The following LDB2 variants were observed in gnomAD, a reference collection of about 807,000 sequenced individuals.
LDB2 encodes the protein LIM domain binding 2.
LDB2 carries 12 observed loss-of-function variants against 44.3 expected under a neutral mutation model. The observed-to-expected ratio is 0.27, with a 90% CI of 0.17 to 0.44. LDB2 has a LOEUF of 0.44. Among genes scored for constraint, LDB2 ranks in the 20% least tolerant of loss-of-function variants. The probability of loss-of-function intolerance (pLI) is 1.00; values close to 1 mark genes in which losing one functional copy is unlikely to be tolerated. For synonymous variants in LDB2, 164 were observed against 174.8 expected (o/e 0.94, Z 0.49); for missense variants, 344 against 473.5 (o/e 0.73, Z 2.54).
chr4:16,622,655 G>T (rs1729210371), intron 2 of LDB2, among the ~76,000 whole-genome samples: 1 of 152,154 alleles, frequency 6.6e-6, no homozygotes, highest in African/African-American at 2.4e-5. Flanking sequence ...ATATTTCACA[G>T]CTTTAAATGT....
In LDB2 at chr4:16,833,838, G is replaced by A. The variant is rs114501668; in HGVS notation, c.132+64516C>T. ...TTACAGGCATGAGCCACCACACCCC[G>A]CCCTCCTCATTTTCTATTACTCAGT... On this transcript the variant is annotated intron_variant, in intron 1 of 7. Coordinates refer to ENST00000304523, the MANE Select transcript of LDB2 (RefSeq NM_001290.5). Among the ~76,000 whole-genome samples the A allele has an allele frequency of 8.1e-3, 1,236 of 152,156 alleles. 15 individuals carry two copies. The highest frequency in any genetic ancestry group is 0.048 in the Middle Eastern group (14 of 294).
At chr4:16,743,733 C>T (rs985326057) in intron 2 of LDB2, among the ~76,000 whole-genome samples, 1 of 152,090 alleles carries the variant, frequency 6.6e-6, no homozygotes, top group Admixed American at 6.6e-5. Flanking sequence ...TCCATCGTAC[C>T]ACTGCAAAAA....
rs566329279 is a variant in LDB2, at chr4:16,561,972, G to C, written c.615+23950C>G. Among the ~76,000 whole-genome samples the C allele has an allele frequency of 5.3e-3, 810 of 152,314 alleles. 2 individuals are homozygous for C. The highest frequency in any genetic ancestry group is 8.5e-3 in the Non-Finnish European group (580 of 68,020). The stretch of plus-strand genomic sequence containing the variant: ...TGAGGAAAACAAGCAATGGGGAAAG[G>C]ATTCCCTATTTAATAAATGGTGCTG... On this transcript the variant is annotated intron_variant, in intron 5 of 7. Coordinates refer to ENST00000304523, the MANE Select transcript of LDB2 (RefSeq NM_001290.5).
In LDB2 at chr4:16,739,585, A is replaced by ATATAT. The variant is rs1263747637; in HGVS notation, c.235+19572_235+19573insATATA. Among the ~76,000 whole-genome samples, 2 of 77,270 alleles carry ATATAT rather than the reference A, an allele frequency of 2.6e-5. 1 individual carries two copies. The highest frequency in any genetic ancestry group is 1.1e-4 in the African/African-American group (2 of 17,830). 50.7% of individuals were successfully genotyped at this position (77,270 alleles called of 152,430 possible). A position where few individuals can be genotyped will look rare whatever the true frequency, so the allele number is the denominator to read the frequency against. The stretch of plus-strand genomic sequence containing the variant: ...TCGGTGACAGAGGGAAAAAAAAAAA[A>ATATAT]AAAAATATATATATATATATATATG... On this transcript the variant is annotated intron_variant, in intron 2 of 7. Coordinates refer to ENST00000304523, the MANE Select transcript of LDB2 (RefSeq NM_001290.5).
chr4:16,749,707 A>G (rs1229693156), intron 2 of LDB2, among the ~76,000 whole-genome samples: 3 of 151,934 alleles, frequency 2.0e-5, no homozygotes, highest in East Asian at 1.9e-4. Context: ...GAAACTTATT[A>G]AAATATGGGA....
intron 2 of LDB2, among the ~76,000 whole-genome samples, chr4:16,618,719 T>C (rs1397553938): frequency 1.3e-5 from 2 of 152,080 alleles, no homozygotes; most frequent in Non-Finnish European, 1.5e-5. Flanking sequence ...CATCACAGAT[T>C]TTCTCTGTGA....
At chr4:16,773,853 G>A (rs1771250839) in intron 1 of LDB2, among the ~76,000 whole-genome samples, 1 of 151,808 alleles carries the variant, frequency 6.6e-6, no homozygotes, top group African/African-American at 2.4e-5. Flanking sequence ...TCCCATCTCA[G>A]CCTCAAGAGT....
At chr4:16,781,989 T>G (rs1423505594) in intron 1 of LDB2, among the ~76,000 whole-genome samples, 4 of 152,174 alleles carry the variant, frequency 2.6e-5, no homozygotes, top group Admixed American at 2.6e-4. Flanking sequence ...GCTGCTGATT[T>G]CTAGACTCCA....
At chr4:16,634,286 T>C (rs2152499372) in intron 2 of LDB2, among the ~76,000 whole-genome samples, 1 of 112,796 alleles carries the variant, frequency 8.9e-6, no homozygotes, top group East Asian at 2.3e-4. Flanking sequence ...ACTAAAGTCT[T>C]TTGCACGGCC....
intron 2 of LDB2, among the ~76,000 whole-genome samples, chr4:16,709,932 G>A (rs901103244): frequency 5.9e-5 from 9 of 152,094 alleles, no homozygotes; most frequent in Non-Finnish European, 1.2e-4. Flanking sequence ...TTGGCCATGT[G>A]ACCTTGATCT....
chr4:16,869,155 T>G (rs1465632693), intron 1 of LDB2, among the ~76,000 whole-genome samples: 1 of 152,118 alleles, frequency 6.6e-6, no homozygotes, highest in Admixed American at 6.5e-5. Flanking sequence ...ATTATTTTAA[T>G]TATCCCCATT....
At chr4:16,885,317 A>C (rs950615800) in intron 1 of LDB2, among the ~76,000 whole-genome samples, 32 of 151,894 alleles carry the variant, frequency 2.1e-4, no homozygotes, top group African/African-American at 6.8e-4. Flanking sequence ...CCTGGGGAGC[A>C]AGACGCTGTC....
At chr4:16,689,870 T>C (rs1750212018) in intron 2 of LDB2, among the ~76,000 whole-genome samples, 1 of 152,232 alleles carries the variant, frequency 6.6e-6, no homozygotes, top group Non-Finnish European at 1.5e-5. Context: ...GACCGTGTCT[T>C]AGAAACTTCT....
intron 5 of LDB2, among the ~76,000 whole-genome samples, chr4:16,529,344 C>T (rs1000134948): frequency 1.3e-5 from 2 of 152,088 alleles, no homozygotes; most frequent in Non-Finnish European, 2.9e-5. Context: ...AGCCTGGGAT[C>T]CTAGTAGGCA....
chr4:16,871,097 T>G (rs891644536), intron 1 of LDB2, among the ~76,000 whole-genome samples: 48 of 152,338 alleles, frequency 3.2e-4, no homozygotes, highest in African/African-American at 1.1e-3. Flanking sequence ...TAACTTCCAA[T>G]TAAACAAATC....
At chr4:16,708,219 C>A (rs759889047) in intron 2 of LDB2, among the ~76,000 whole-genome samples, 1 of 152,078 alleles carries the variant, frequency 6.6e-6, no homozygotes, top group Non-Finnish European at 1.5e-5. Context: ...GTGGCACACA[C>A]ACCTATAAAC....
At chr4:16,727,368 T>C (rs1236257495) in intron 2 of LDB2, among the ~76,000 whole-genome samples, 1 of 152,194 alleles carries the variant, frequency 6.6e-6, no homozygotes, top group African/African-American at 2.4e-5. Flanking sequence ...AGAGGTTGTG[T>C]GTCTGTCAAG....
chr4:16,647,931 A>G (rs1407672995), intron 2 of LDB2, among the ~76,000 whole-genome samples: 4 of 152,310 alleles, frequency 2.6e-5, no homozygotes, highest in African/African-American at 7.2e-5. Flanking sequence ...AGGCTTATTC[A>G]GCTTTCTCCT....
intron 1 of LDB2, among the ~76,000 whole-genome samples, chr4:16,778,398 C>G (rs1275960736): frequency 6.6e-6 from 1 of 152,152 alleles, no homozygotes; most frequent in East Asian, 1.9e-4. Context: ...CAGTCTGGTT[C>G]ATTTCTACTA....
Sources: allele counts gnomAD v4.1 joint callset (sites outside exome capture counted in the v4.1 genomes callset), GRCh38; gene constraint gnomAD v4.1.1; transcripts MANE v1.5; gene names NCBI Gene and HGNC (gene_info 2026-07-23, HGNC 2026-07-21).